Variants in SFMBT2 observed in about 807,000 individuals in gnomAD.
SFMBT2 encodes scm-like with four MBT domains protein 2.
In SFMBT2, 38 loss-of-function variants were observed where a neutral mutation model predicts 110.1. The observed-to-expected ratio is 0.35, with a 90% CI of 0.27 to 0.45. SFMBT2 has a LOEUF of 0.45. Among genes scored for constraint, SFMBT2 ranks in the 20% least tolerant of loss-of-function variants. The probability of loss-of-function intolerance (pLI) is 1.00; values close to 1 mark genes in which losing one functional copy is unlikely to be tolerated. For missense variants in SFMBT2, 1,011 were observed against 1,094.9 expected, an observed-to-expected ratio of 0.92 and a Z score of 1.08; for synonymous variants, 425 against 425.4, an observed-to-expected ratio of 1.00 and a Z score of 0.01.
chr10:7,375,751 C>CCACACACACACACACACA (rs35306837), intron 2 of SFMBT2, among the ~76,000 whole-genome samples: 1 of 124,676 alleles, frequency 8.0e-6, no homozygotes, highest in Non-Finnish European at 1.7e-5. Context: ...AAAGAAAAAA[C>CCACACACACACACACACA]CACACACACA....
chr10:7,335,287 A>T (rs1843683509), intron 4 of SFMBT2, among the ~76,000 whole-genome samples: 1 of 152,194 alleles, frequency 6.6e-6, no homozygotes, highest in South Asian at 2.1e-4. Context: ...CCACATTGCA[A>T]ATTGTATGTT....
intron 11 of SFMBT2, among the ~76,000 whole-genome samples, chr10:7,214,224 C>A (rs1363314598): frequency 6.6e-6 from 1 of 152,234 alleles, no homozygotes; most frequent in African/African-American, 2.4e-5. Context: ...AAGAAAACGT[C>A]CAGCATCTTC....
intron 4 of SFMBT2, among the ~76,000 whole-genome samples, chr10:7,343,406 C>A (rs1328714636): frequency 1.3e-5 from 2 of 152,074 alleles, no homozygotes; most frequent in African/African-American, 4.8e-5. Flanking sequence ...GGGTATTGCC[C>A]ATAAGGGACT....
At chr10:7,402,796 A>G (rs1329880633) in intron 1 of SFMBT2, among the ~76,000 whole-genome samples, 3 of 152,172 alleles carry the variant, frequency 2.0e-5, no homozygotes, top group Non-Finnish European at 4.4e-5. Flanking sequence ...AGTTTTCTAC[A>G]TGAAAAGGAA....
intron 4 of SFMBT2, among the ~76,000 whole-genome samples, chr10:7,323,665 T>C (rs1843277030): frequency 6.6e-6 from 1 of 152,228 alleles, no homozygotes; most frequent in South Asian, 2.1e-4. Flanking sequence ...AATTTTAACC[T>C]CTGTACTTTT....
At chr10:7,269,025 C>T (rs1446583692) in intron 7 of SFMBT2, among the ~76,000 whole-genome samples, 2 of 142,428 alleles carry the variant, frequency 1.4e-5, no homozygotes, top group Non-Finnish European at 3.0e-5. Flanking sequence ...TTTTAGGCCT[C>T]TAAATAACAG....
intron 15 of SFMBT2, 26 bp downstream of exon 15, chr10:7,197,522 C>A: frequency 6.2e-7 from 1 of 1,605,530 alleles, no homozygotes; most frequent in Non-Finnish European, 8.5e-7. Context: ...TTAAAATAAG[C>A]CAAGGTGATT....
At chr10:7,250,460 T>C (rs1840769174) in intron 7 of SFMBT2, among the ~76,000 whole-genome samples, 1 of 152,248 alleles carries the variant, frequency 6.6e-6, no homozygotes, top group Non-Finnish European at 1.5e-5. Flanking sequence ...GGTATATATG[T>C]ACCACATTTT....
chr10:7,365,203 C>A (rs747252402), intron 4 of SFMBT2, among the ~76,000 whole-genome samples: 1 of 152,214 alleles, frequency 6.6e-6, no homozygotes, highest in Non-Finnish European at 1.5e-5. Flanking sequence ...GACTTAAGAA[C>A]AGCCATTCTC....
rs147695246 is a variant in SFMBT2 at position 7,172,076 on chromosome 10, G to A, written c.2234C>T (p.Thr745Met). 111 of 1,606,996 alleles carry A rather than the reference G, an allele frequency of 6.9e-5. No homozygotes were observed. Among genetic ancestry groups the A allele is most frequent in the Non-Finnish European group, 8.3e-5 (98 of 1,176,510 alleles). ...ETGSELRDDQ[T>M]DTSSAEVPSA... ...GGGCACCTCCGCCGACGAGGTGTCCGTCTGGTCATCCCGGAGCTCGGAGCC... is the reference window on the plus strand; with the variant it reads ...GGGCACCTCCGCCGACGAGGTGTCCATCTGGTCATCCCGGAGCTCGGAGCC... Residue 745 changes from threonine (T) to methionine (M), a missense_variant, in exon 19 of 21, where the codon ACG (threonine) becomes ATG (methionine). Thr to Met is a moderately conservative substitution (Grantham distance 81, BLOSUM62 -1). Coordinates refer to ENST00000397167, the MANE Select transcript of SFMBT2 (RefSeq NM_001387889.1). This position sits in a 1 kb window ranked among gnomAD's most constrained non-coding sequence, Gnocchi z 4.6.
intron 4 of SFMBT2, among the ~76,000 whole-genome samples, chr10:7,302,614 G>C (rs1273900538): frequency 6.6e-6 from 1 of 152,192 alleles, no homozygotes; most frequent in Non-Finnish European, 1.5e-5. Context: ...GAGAAAGAAG[G>C]TCTAGTAAAA....
chr10:7,410,313 T>G (rs1846337532), intron 1 of SFMBT2, among the ~76,000 whole-genome samples: 1 of 152,260 alleles, frequency 6.6e-6, no homozygotes, highest in Non-Finnish European at 1.5e-5. Flanking sequence ...TTTACCCCCA[T>G]GCCGGTCTCC....
chr10:7,322,606 G>GACACAC (rs139616328), intron 4 of SFMBT2, among the ~76,000 whole-genome samples: 7 of 148,600 alleles, frequency 4.7e-5, no homozygotes, highest in Non-Finnish European at 8.9e-5. Flanking sequence ...ACTTATGGAA[G>GACACAC]ACACACACAC....
At chr10:7,234,673 G>C (rs1840204601) in intron 9 of SFMBT2, among the ~76,000 whole-genome samples, 1 of 152,172 alleles carries the variant, frequency 6.6e-6, no homozygotes, top group Non-Finnish European at 1.5e-5. Context: ...TCCAAGTCCA[G>C]TAGCCGGGCG....
chr10:7,251,224 C>T (rs1166724376), intron 7 of SFMBT2, among the ~76,000 whole-genome samples: 2 of 151,772 alleles, frequency 1.3e-5, no homozygotes, highest in Non-Finnish European at 2.9e-5. Context: ...GCCTGTAATC[C>T]CAGCACTTTG....
chr10:7,245,500 C>T (rs892797689), intron 8 of SFMBT2, among the ~76,000 whole-genome samples: 1 of 152,230 alleles, frequency 6.6e-6, no homozygotes, highest in Non-Finnish European at 1.5e-5. Context: ...TCAAATCCAT[C>T]AGGGCTCATG....
chr10:7,255,240 T>C (rs548255414), intron 7 of SFMBT2, among the ~76,000 whole-genome samples: 30 of 152,320 alleles, frequency 2.0e-4, no homozygotes, highest in Middle Eastern at 6.8e-3. Context: ...AAACCGATTA[T>C]GTACTAAGAG....
intron 6 of SFMBT2, among the ~76,000 whole-genome samples, chr10:7,280,566 G>A (rs1191639407): frequency 3.9e-5 from 6 of 152,096 alleles, no homozygotes; most frequent in African/African-American, 1.4e-4. Context: ...CTTCTTAAAC[G>A]ACCCTAACCT....
intron 6 of SFMBT2, among the ~76,000 whole-genome samples, 170 bp downstream of exon 6, chr10:7,283,734 G>A (rs943053136): frequency 2.0e-5 from 3 of 152,196 alleles, no homozygotes; most frequent in Admixed American, 6.5e-5. Context: ...ATTGATTGAG[G>A]TCTTAGGTTT....
Sources: gnomAD v4.1 joint callset for allele counts (sites outside exome capture counted in the v4.1 genomes callset) on GRCh38, gnomAD v4.1.1 for gene constraint, Gnocchi (gnomAD v3.1) non-coding constraint, MANE v1.5 for transcripts, NCBI Gene and HGNC (gene_info 2026-07-23, HGNC 2026-07-21) for gene names.